The following MYO16 variants were observed in gnomAD, a reference collection of about 807,000 sequenced individuals.
The protein encoded by MYO16 is myosin XVI.
In MYO16, 94 loss-of-function variants were observed where a neutral mutation model predicts 205.3. The ratio of observed to expected loss-of-function variants is 0.46; its 90% CI spans 0.39 to 0.54. The LOEUF is 0.54. MYO16 is among the 20% of genes least tolerant of loss of function. The pLI, the probability that MYO16 is intolerant of heterozygous loss-of-function variation, is 0.00. For synonymous variants in MYO16, 988 were observed against 954.0 expected, an observed-to-expected ratio of 1.04 and a Z score of -0.66; for missense variants, 2,315 against 2,387.5, an observed-to-expected ratio of 0.97 and a Z score of 0.63.
chr13:109,023,625 A>ATG (rs1886209642), intron 23 of MYO16, among the ~76,000 whole-genome samples: 1 of 122,556 alleles, frequency 8.2e-6, no homozygotes, highest in Non-Finnish European at 1.6e-5. Flanking sequence ...ATACAAATAT[A>ATG]TAGACAAATA....
intron 20 of MYO16, among the ~76,000 whole-genome samples, chr13:108,982,720 C>G (rs1161070055): frequency 6.6e-6 from 1 of 152,100 alleles, no homozygotes; most frequent in African/African-American, 2.4e-5. Context: ...TTTTCTTCAT[C>G]CCTAAAATTG....
At chr13:108,733,564 G>A (rs1269627181) in intron 4 of MYO16, among the ~76,000 whole-genome samples, 1 of 145,330 alleles carries the variant, frequency 6.9e-6, no homozygotes, top group Non-Finnish European at 1.5e-5. Context: ...CCCTAAGTGG[G>A]CTAATAATAT....
chr13:108,830,847 G>A (rs1369496922), intron 9 of MYO16, among the ~76,000 whole-genome samples: 1 of 152,166 alleles, frequency 6.6e-6, no homozygotes, highest in African/African-American at 2.4e-5. Flanking sequence ...ATTTTCTACA[G>A]TGAACAATTT....
At chr13:108,576,830 C>T in the MYO16 span, among the ~76,000 whole-genome samples, 13 of 151,956 alleles carry the variant, frequency 8.6e-5, no homozygotes, top group Non-Finnish European at 1.2e-4. Flanking sequence ...GGTGCAATCA[C>T]GGTTCACTGC....
intron 31 of MYO16, among the ~76,000 whole-genome samples, chr13:109,134,902 C>T (rs1876701772): frequency 6.6e-6 from 1 of 152,182 alleles, no homozygotes; most frequent in South Asian, 2.1e-4. Context: ...CTGGACAAAA[C>T]AATTTGTATC....
chr13:109,087,738 A>C (rs557132732), intron 27 of MYO16, among the ~76,000 whole-genome samples: 3 of 152,330 alleles, frequency 2.0e-5, no homozygotes, highest in African/African-American at 7.2e-5. Context: ...CTGGAATAAC[A>C]AATATCTCCA....
intron 6 of MYO16, among the ~76,000 whole-genome samples, chr13:108,804,189 T>G (rs1019919858): frequency 5.3e-5 from 8 of 152,166 alleles, no homozygotes; most frequent in African/African-American, 1.9e-4. Context: ...TGGTAAAGAT[T>G]AGAAGAAATA....
At position 109,055,280 on chromosome 13, in the gene MYO16, A is replaced by C; in HGVS notation, c.3130-110A>C. On this transcript the variant is annotated intron_variant, in intron 26 of 34. Transcript: ENST00000457511. This position sits in a 1 kb window ranked among gnomAD's most constrained non-coding sequence, Gnocchi z 5.0. ...ACACACACACACACACACACAGAGT[A>C]AATGCATAATGAGATTTAAAGACGT... The C allele has an allele frequency of 2.1e-6, 2 of 941,484 alleles. No individual in the cohort carries two copies. Among genetic ancestry groups the C allele is most frequent in the Non-Finnish European group, 1.6e-6 (1 of 624,132 alleles). The allele number at this position is 941,484 out of a possible 1,614,324, so 58.3% of individuals were successfully genotyped here. A position where few individuals can be genotyped will look rare whatever the true frequency, so the allele number is the denominator to read the frequency against.
At chr13:109,034,835 A>T (rs907233771) in intron 23 of MYO16, among the ~76,000 whole-genome samples, 1 of 152,142 alleles carries the variant, frequency 6.6e-6, no homozygotes, top group African/African-American at 2.4e-5. Flanking sequence ...AGCCCCCTAA[A>T]ATAATAGTTT....
chr13:108,930,645 A>T (rs1882216099), intron 16 of MYO16, among the ~76,000 whole-genome samples: 1 of 152,232 alleles, frequency 6.6e-6, no homozygotes, highest in Non-Finnish European at 1.5e-5. Flanking sequence ...TCCCAAGGAG[A>T]TACCACCCTT....
At chr13:109,022,969 C>G (rs1351086347) in intron 23 of MYO16, among the ~76,000 whole-genome samples, 1 of 133,030 alleles carries the variant, frequency 7.5e-6, no homozygotes, top group Non-Finnish European at 1.5e-5. Context: ...ATTATATATA[C>G]ACGTAAATAT....
At chr13:108,865,838 T>C (rs1037058120) in intron 11 of MYO16, among the ~76,000 whole-genome samples, 2 of 152,102 alleles carry the variant, frequency 1.3e-5, no homozygotes, top group Admixed American at 1.3e-4. Flanking sequence ...ATTGACTTTT[T>C]CGTAGGCATT....
At chr13:109,084,214 G>A (rs1202548142) in intron 27 of MYO16, among the ~76,000 whole-genome samples, 1 of 152,190 alleles carries the variant, frequency 6.6e-6, no homozygotes, top group Non-Finnish European at 1.5e-5. Context: ...AGAACGATTA[G>A]ATAACAATCA....
intron 34 of MYO16, among the ~76,000 whole-genome samples, chr13:109,203,662 G>T (rs1880488694): frequency 6.6e-6 from 1 of 152,096 alleles, no homozygotes; most frequent in Non-Finnish European, 1.5e-5. Context: ...GTGTTTCAGA[G>T]CTCCCAGCCT....
intron 10 of MYO16, among the ~76,000 whole-genome samples, chr13:108,845,635 G>A (rs1433811515): frequency 1.3e-5 from 2 of 152,088 alleles, no homozygotes; most frequent in African/African-American, 4.8e-5. Context: ...ATTAGGGATG[G>A]GGGCTTCCAC....
chr13:109,152,889 G>A (rs973837442), intron 32 of MYO16, among the ~76,000 whole-genome samples: 3 of 152,110 alleles, frequency 2.0e-5, no homozygotes, highest in Non-Finnish European at 4.4e-5. Context: ...TAAATACGAA[G>A]GGCACACTTC....
the MYO16 span, among the ~76,000 whole-genome samples, chr13:108,584,187 T>A: frequency 1.3e-5 from 2 of 152,136 alleles, no homozygotes; most frequent in Non-Finnish European, 2.9e-5. Context: ...TCTCCTGACC[T>A]CATGATCCAC....
chr13:109,132,622 G>C (rs189749309), intron 31 of MYO16, among the ~76,000 whole-genome samples: 2 of 152,170 alleles, frequency 1.3e-5, no homozygotes, highest in African/African-American at 4.8e-5. Context: ...GGCAAGGTTC[G>C]AGAAGTACCC....
intron 1 of MYO16, among the ~76,000 whole-genome samples, chr13:108,609,543 T>C (rs534606201): frequency 1.3e-5 from 2 of 152,272 alleles, no homozygotes; most frequent in Non-Finnish European, 2.9e-5. Context: ...AATGTAGTAC[T>C]GAACAAAAGA....
Sources: allele counts gnomAD v4.1 joint callset (sites outside exome capture counted in the v4.1 genomes callset), GRCh38; gene constraint gnomAD v4.1.1; non-coding constraint Gnocchi (gnomAD v3.1); transcripts MANE v1.5; gene names NCBI Gene and HGNC (gene_info 2026-07-23, HGNC 2026-07-21).